EXD2: variants seen among roughly 807,000 people sequenced by gnomAD.
EXD2 encodes the protein exonuclease 3'-5' domain containing 2, also known as exonuclease 3'-5' domain-containing protein 2.
A neutral mutation model predicts 62.5 loss-of-function variants in EXD2; 40 were observed. The observed-to-expected ratio is 0.64, with a 90% CI of 0.50 to 0.83. The LOEUF is 0.83. Among genes scored for constraint, EXD2 ranks in the 40% least tolerant of loss-of-function variants. The pLI, the probability that EXD2 is intolerant of heterozygous loss-of-function variation, is 0.00. For missense variants in EXD2, 671 were observed against 761.8 expected, an observed-to-expected ratio of 0.88 and a Z score of 1.40; for synonymous variants, 239 against 291.9, an observed-to-expected ratio of 0.82 and a Z score of 1.85.
intron 1 of EXD2, among the ~76,000 whole-genome samples, chr14:69,194,134 A>C (rs1245265282): frequency 8.0e-6 from 1 of 124,232 alleles, no homozygotes; most frequent in Non-Finnish European, 1.6e-5. Flanking sequence ...TCGAACAGTC[A>C]GTCCATTCTT....
intron 1 of EXD2, among the ~76,000 whole-genome samples, chr14:69,199,377 T>G (rs1003477426): frequency 6.6e-6 from 1 of 152,268 alleles, no homozygotes; most frequent in Non-Finnish European, 1.5e-5. Flanking sequence ...GACTGTACAC[T>G]ACTTTAGATC....
intron 3 of EXD2, among the ~76,000 whole-genome samples, chr14:69,215,911 T>C (rs2042975127): frequency 6.6e-6 from 1 of 152,152 alleles, no homozygotes; most frequent in Non-Finnish European, 1.5e-5. Flanking sequence ...TAAATTTGTG[T>C]TGTGAATGTT....
chr14:69,213,674 T>G (rs1303586892), intron 3 of EXD2, among the ~76,000 whole-genome samples: 3 of 151,070 alleles, frequency 2.0e-5, no homozygotes, highest in African/African-American at 7.3e-5. Context: ...TATTTACCTT[T>G]TTTTTTGTTT....
intron 1 of EXD2, among the ~76,000 whole-genome samples, chr14:69,192,727 T>C (rs1394171540): frequency 6.6e-6 from 1 of 152,260 alleles, no homozygotes; most frequent in Non-Finnish European, 1.5e-5. Context: ...TTTACAAATA[T>C]GCATGTTTTA....
chr14:69,228,435 G>A (rs1329709634), intron 3 of EXD2, among the ~76,000 whole-genome samples: 5 of 151,974 alleles, frequency 3.3e-5, no homozygotes, highest in African/African-American at 1.2e-4. Flanking sequence ...CAGGTGATCC[G>A]CCCGCCTTGG....
At chr14:69,207,380 G>A (rs2042638195) in intron 2 of EXD2, among the ~76,000 whole-genome samples, 3 of 152,104 alleles carry the variant, frequency 2.0e-5, no homozygotes, top group Non-Finnish European at 4.4e-5. Flanking sequence ...TGTAGTCCCA[G>A]CTGCTTGGGA....
chr14:69,212,713 T>C (rs893308257), intron 3 of EXD2, among the ~76,000 whole-genome samples: 13 of 144,250 alleles, frequency 9.0e-5, no homozygotes, highest in East Asian at 2.0e-4. Context: ...TTTTTTTTTT[T>C]TTTTTTTTTT....
intron 5 of EXD2, among the ~76,000 whole-genome samples, chr14:69,230,923 C>T (rs2043552820): frequency 2.0e-5 from 3 of 152,160 alleles, no homozygotes; most frequent in Admixed American, 2.0e-4. Flanking sequence ...GCTGAGATTA[C>T]AGATGTGCAC....
Position 69,209,810 on chromosome 14 carries a change from T to C in EXD2, c.333+7T>C. 1.5e-6 allele frequency: 2 copies of C among 1,334,750 alleles called. No individual in the cohort carries two copies. Among genetic ancestry groups the C allele is most frequent in the Non-Finnish European group, 2.0e-6 (2 of 1,023,636 alleles). The allele number at this position is 1,334,750 out of a possible 1,614,324, so 82.7% of individuals were successfully genotyped here. A position where few individuals can be genotyped will look rare whatever the true frequency, so the allele number is the denominator to read the frequency against. On this transcript the variant is annotated splice_region_variant and intron_variant, in intron 3 of 9. Transcript: ENST00000685843. The stretch of plus-strand genomic sequence containing the variant: ...TGGAATTGACTGTGAGTGGGTAAGT[T>C]AAAAAGCAAAAGTTAAAAAAAAAAA...
chr14:69,212,092 T>C (rs560802670), intron 3 of EXD2, among the ~76,000 whole-genome samples: 2 of 152,050 alleles, frequency 1.3e-5, no homozygotes, highest in African/African-American at 2.4e-5. Flanking sequence ...AAAACAAAAA[T>C]AGGCTGGGCG....
chr14:69,226,237 C>G lies in EXD2; in HGVS notation c.334-2579C>G, dbSNP rs115072929. 7.9e-3 allele frequency among the ~76,000 whole-genome samples: 1,200 copies of G among 152,224 alleles called. 17 individuals are homozygous for G. The highest frequency in any genetic ancestry group is 0.027 in the African/African-American group (1,141 of 41,538). On this transcript the variant is annotated intron_variant, in intron 3 of 9. Coordinates refer to ENST00000685843, the MANE Select transcript of EXD2 (RefSeq NM_001193360.2). ...TTTTAAAAAAGTGATTTGGTCACAT[C>G]CGGATGAATTATTAGAGAACTGGAA...
At chr14:69,215,722 C>T (rs2042967672) in intron 3 of EXD2, among the ~76,000 whole-genome samples, 1 of 152,038 alleles carries the variant, frequency 6.6e-6, no homozygotes, top group East Asian at 1.9e-4. Flanking sequence ...TTTGCATATT[C>T]CAGATTACTA....
chr14:69,234,580 A>C lies in EXD2; in HGVS notation c.718-120A>C, dbSNP rs2043702295. ...AGTTTTAAGGAAGTGTATGGTGCCCAGGTTGTCGTACATTTTGAATTAGGA... is the reference window on the plus strand; with the variant it reads ...AGTTTTAAGGAAGTGTATGGTGCCCCGGTTGTCGTACATTTTGAATTAGGA... On this transcript the variant is annotated intron_variant, in intron 5 of 9. Transcript: ENST00000685843. 1.1e-5 allele frequency: 9 copies of C among 801,258 alleles called. No homozygotes were observed. In the South Asian group the frequency reaches 1.7e-4, roughly 15 times the overall value. 49.6% of individuals were successfully genotyped at this position (801,258 alleles called of 1,614,324 possible). A position where few individuals can be genotyped will look rare whatever the true frequency, so the allele number is the denominator to read the frequency against.
At chr14:69,223,541 A>C (rs916934028) in intron 3 of EXD2, among the ~76,000 whole-genome samples, 1 of 152,238 alleles carries the variant, frequency 6.6e-6, no homozygotes, top group Non-Finnish European at 1.5e-5. Context: ...AGCAGGAAAT[A>C]ACAGCATGCT....
rs77499793 is a variant in EXD2, at chr14:69,230,353, G to A, written c.591-119G>A. On this transcript the variant is annotated intron_variant, in intron 4 of 9. Coordinates refer to ENST00000685843, the MANE Select transcript of EXD2 (RefSeq NM_001193360.2). ...TAGATAACAAATTATCATTTTCTTCGATTTCTAGTGAGATTCAGTATGTTA... is the reference window on the plus strand; with the variant it reads ...TAGATAACAAATTATCATTTTCTTCAATTTCTAGTGAGATTCAGTATGTTA... The A allele has an allele frequency of 4.5e-3, 2,599 of 577,766 alleles. 51 individuals are homozygous for A. In the African/African-American group the frequency reaches 0.045, roughly 10 times the overall value. The allele number at this position is 577,766 out of a possible 1,614,324, so 35.8% of individuals were successfully genotyped here.
intron 6 of EXD2, chr14:69,235,714 T>A (rs577866234): frequency 1.1e-5 from 4 of 350,840 alleles, no homozygotes; most frequent in Non-Finnish European, 1.6e-5. Flanking sequence ...ATGTACTTTG[T>A]TTAATCCAGT....
intron 3 of EXD2, among the ~76,000 whole-genome samples, chr14:69,217,785 C>T (rs958536547): frequency 3.3e-5 from 5 of 152,010 alleles, no homozygotes; most frequent in East Asian, 3.9e-4. Flanking sequence ...TGAGAACATG[C>T]GGTGTTTGGT....
At chr14:69,227,867 A>G (rs1394435772) in intron 3 of EXD2, 1 of 152,158 alleles carries the variant, frequency 6.6e-6, no homozygotes, top group South Asian at 2.1e-4. Flanking sequence ...TCGATCACTT[A>G]TTGTATAAAG....
At chr14:69,215,879 T>C (rs1369046310) in intron 3 of EXD2, among the ~76,000 whole-genome samples, 1 of 152,058 alleles carries the variant, frequency 6.6e-6, no homozygotes, top group Non-Finnish European at 1.5e-5. Flanking sequence ...TTACATATTC[T>C]GCATATGAAC....
Sources: gnomAD v4.1 joint callset for allele counts (sites outside exome capture counted in the v4.1 genomes callset) on GRCh38, gnomAD v4.1.1 for gene constraint, MANE v1.5 for transcripts, NCBI Gene and HGNC (gene_info 2026-07-23, HGNC 2026-07-21) for gene names.